The following PLG variants were observed in gnomAD, a reference collection of about 807,000 sequenced individuals.
PLG encodes plasmin.
A neutral mutation model predicts 104.4 loss-of-function variants in PLG; 41 were observed. The observed-to-expected ratio is 0.39, with a 90% CI of 0.31 to 0.51. PLG has a LOEUF of 0.51. Ranked by LOEUF, PLG falls within the 20% of genes least tolerant of loss-of-function variation. The pLI, the probability that PLG is intolerant of heterozygous loss-of-function variation, is 0.76. For missense variants in PLG, 891 were observed against 1,003.6 expected (o/e 0.89, Z 1.52); for synonymous variants, 337 against 357.1 (o/e 0.94, Z 0.63).
intron 17 of PLG, among the ~76,000 whole-genome samples, chr6:160,742,823 A>T (rs2115182804): frequency 6.6e-6 from 1 of 152,260 alleles, no homozygotes; most frequent in East Asian, 1.9e-4. Flanking sequence ...TGATTTCTGT[A>T]TATGGTGTAA....
chr6:160,711,641 G>C, intron 4 of PLG: 1 of 1,610,628 alleles, frequency 6.2e-7, no homozygotes, highest in Non-Finnish European at 8.5e-7. Flanking sequence ...AGTAGAACAT[G>C]GTTGCTTTCT....
Position 160,753,434 on chromosome 6 carries a change from G to C in PLG, c.*373G>C, listed in dbSNP as rs189281351. 5.6e-6 allele frequency: 2 copies of C among 354,490 alleles called. No homozygotes were observed. The highest frequency in any genetic ancestry group is 4.2e-5 in the African/African-American group (2 of 47,272). 22.0% of individuals were successfully genotyped at this position (354,490 alleles called of 1,614,324 possible). The stretch of plus-strand genomic sequence containing the variant: ...GAGCAGGCTGCAAGGTCACAGAGGG[G>C]AGAGCCAAGAAGTTGTCCACGCATT... On this transcript the variant is annotated 3_prime_UTR_variant, in exon 19 of 19. Coordinates refer to ENST00000308192, the MANE Select transcript of PLG (RefSeq NM_000301.5). The surrounding 1 kb of genome is among the most constrained non-coding windows in gnomAD (Gnocchi z 5.4).
At chr6:160,727,561 C>A (rs1777939027) in intron 10 of PLG, among the ~76,000 whole-genome samples, 1 of 151,634 alleles carries the variant, frequency 6.6e-6, no homozygotes, top group Non-Finnish European at 1.5e-5. Context: ...AAATTTTAAT[C>A]ATTAACATGA....
At position 160,736,670 on chromosome 6, in the gene PLG, T is replaced by TA. The variant is rs1778086755; in HGVS notation, c.1682-215dup. Among the ~76,000 whole-genome samples, 1 of 152,188 alleles carries TA rather than the reference T, an allele frequency of 6.6e-6. No homozygotes were observed. The highest frequency in any genetic ancestry group is 6.5e-5 in the Admixed American group (1 of 15,280). On this transcript the variant is annotated intron_variant, in intron 13 of 18. Coordinates refer to ENST00000308192, the MANE Select transcript of PLG (RefSeq NM_000301.5). The surrounding 1 kb of genome is among the most constrained non-coding windows in gnomAD (Gnocchi z 5.2). ...CTGTTTGATCACTTCTCCAACAAAA[T>TA]AATTACAAAGTGCTTATATTTTCTT...
chr6:160,716,657 G>C lies in PLG; in HGVS notation c.681G>C (p.Lys227Asn), dbSNP rs1212778525. 6.2e-7 allele frequency: 1 copy of C among 1,600,386 alleles called. No homozygotes were observed. The highest frequency in any genetic ancestry group is 1.7e-5 in the Admixed American group (1 of 60,002). The change falls in exon 7 of 19, where the codon AAG becomes AAC. Residue 227 changes from lysine (K) to asparagine (N), a missense_variant. By Grantham distance (94) the Lys-to-Asn change is moderately conservative. This residue lies in a region of PLG where 854 missense variants were observed against 932.1 expected (regional missense o/e 0.92). Coordinates refer to ENST00000308192, the MANE Select transcript of PLG (RefSeq NM_000301.5). ...CTTGTCCATTCAGATTTCCAAACAA[G>C]AACCTGAAGAAGAATTACTGTCGTA... is the stretch of plus-strand genomic sequence containing the variant. ...HGYIPSKFPN[K>N]NLKKNYCRNP...
intron 17 of PLG, among the ~76,000 whole-genome samples, chr6:160,748,044 C>T (rs975553848): frequency 6.6e-6 from 1 of 152,036 alleles, no homozygotes. Flanking sequence ...CAGTGGCTCA[C>T]GCCTGTAATC....
chr6:160,726,276 T>C lies in PLG; in HGVS notation c.1256+3709T>C, dbSNP rs1777919894. The stretch of plus-strand genomic sequence containing the variant: ...GAGCAAAACAGAATTAAATGAGATA[T>C]AAATAACAAAAAAATTGGGAAATTA... On this transcript the variant is annotated intron_variant, in intron 10 of 18. Coordinates refer to ENST00000308192, the MANE Select transcript of PLG (RefSeq NM_000301.5). The surrounding 1 kb of genome is among the most constrained non-coding windows in gnomAD (Gnocchi z 4.4). Among the ~76,000 whole-genome samples, 1 of 151,810 alleles carries C rather than the reference T, an allele frequency of 6.6e-6. No homozygotes were observed. The highest frequency in any genetic ancestry group is 6.6e-5 in the Admixed American group (1 of 15,220).
rs760457084 is a variant in PLG, at chr6:160,718,390, C to T, written c.884C>T (p.Thr295Ile). Residue 295 changes from threonine (T) to isoleucine (I), a missense_variant, in exon 8 of 19, where the codon ACC becomes ATC. Thr to Ile is a moderately conservative substitution (Grantham distance 89, BLOSUM62 -1). Transcript: ENST00000308192. ...GNVAVTVSGH[T>I]CQHWSAQTPH... ...GTGGCTGTTACCGTGTCCGGGCACACCTGTCAGCACTGGAGTGCACAGACC... is the reference window on the plus strand; with the variant it reads ...GTGGCTGTTACCGTGTCCGGGCACATCTGTCAGCACTGGAGTGCACAGACC... The T allele has an allele frequency of 3.1e-6, 5 of 1,613,674 alleles. No homozygotes were observed. The highest frequency in any genetic ancestry group is 1.1e-5 in the South Asian group (1 of 91,084).
At chr6:160,722,353 A>C in intron 9 of PLG, 55 bp from the exon 10 acceptor site, 20 of 1,372,218 alleles carry the variant, frequency 1.5e-5, no homozygotes, top group Non-Finnish European at 2.1e-5. Flanking sequence ...AAATTGCTTC[A>C]TGCTTCTTTT....
At chr6:160,708,273 T>A (rs796684340) in intron 3 of PLG, 2 of 154,528 alleles carry the variant, frequency 1.3e-5, no homozygotes, top group African/African-American at 4.8e-5. Flanking sequence ...TTTTTACTCT[T>A]AAATTTTTCA....
chr6:160,713,867 C>T (rs763164390), intron 5 of PLG, among the ~76,000 whole-genome samples: 8 of 152,042 alleles, frequency 5.3e-5, no homozygotes, highest in Non-Finnish European at 7.4e-5. Flanking sequence ...AAGGTCAATG[C>T]TAAAAAATTT....
chr6:160,742,116 G>A (rs1438628953), intron 17 of PLG, among the ~76,000 whole-genome samples: 3 of 152,192 alleles, frequency 2.0e-5, no homozygotes, highest in Non-Finnish European at 4.4e-5. Context: ...GTGCTGCAAT[G>A]AACATTCATG....
chr6:160,745,442 T>C (rs1205136875), intron 17 of PLG, among the ~76,000 whole-genome samples: 1 of 152,254 alleles, frequency 6.6e-6, no homozygotes, highest in African/African-American at 2.4e-5. Context: ...GTTTAAAGTC[T>C]GTTTTGTCTG....
chr6:160,706,346 A>G, intron 1 of PLG, 61 bp from the exon 2 acceptor site: 2 of 1,599,748 alleles, frequency 1.3e-6, no homozygotes, highest in Non-Finnish European at 1.7e-6. Flanking sequence ...GGAAGTCATG[A>G]CAATTAGACA....
At chr6:160,704,754 C>T (rs1777486057) in intron 1 of PLG, among the ~76,000 whole-genome samples, 1 of 152,162 alleles carries the variant, frequency 6.6e-6, no homozygotes, top group Non-Finnish European at 1.5e-5. Context: ...GACAAAGTCC[C>T]AGAGGTGGGG....
chr6:160,746,375 G>A (rs778466605), intron 17 of PLG, among the ~76,000 whole-genome samples: 1 of 152,142 alleles, frequency 6.6e-6, no homozygotes, highest in Non-Finnish European at 1.5e-5. Context: ...CAGAAAGCCA[G>A]TCTTCCATTT....
rs1582938768 is a variant in PLG at position 160,719,937 on chromosome 6, T to A, written c.1096+1099T>A. Among the ~76,000 whole-genome samples the A allele has an allele frequency of 6.6e-6, 1 of 152,210 alleles. No homozygotes were observed. Among genetic ancestry groups the A allele is most frequent in the African/African-American group, 2.4e-5 (1 of 41,452 alleles). On this transcript the variant is annotated intron_variant, in intron 9 of 18. Coordinates refer to ENST00000308192, the MANE Select transcript of PLG (RefSeq NM_000301.5). The surrounding 1 kb of genome is among the most constrained non-coding windows in gnomAD (Gnocchi z 4.1). The stretch of plus-strand genomic sequence containing the variant: ...ATTTTAAATATTTTCTTTATTTATT[T>A]ATTTTACCATTTCTGGTGCTTCTCA...
At chr6:160,707,632 T>A in intron 2 of PLG, 68 bp from the exon 3 acceptor site, 1 of 1,440,364 alleles carries the variant, frequency 6.9e-7, no homozygotes, top group Non-Finnish European at 9.8e-7. Flanking sequence ...ATGTCTCACT[T>A]ATTAATAAAC....
rs112934121 is a variant in PLG at position 160,743,637 on chromosome 6, T to C, written c.2125+2220T>C. ...TCGTTTGATTTCCTCTCTTCCTATCTGGATGCCCTTTATTTCTTTCTCTTG... is the reference window on the plus strand; with the variant it reads ...TCGTTTGATTTCCTCTCTTCCTATCCGGATGCCCTTTATTTCTTTCTCTTG... On this transcript the variant is annotated intron_variant, in intron 17 of 18. Transcript: ENST00000308192. Among the ~76,000 whole-genome samples the C allele has an allele frequency of 1.5e-3, 226 of 152,326 alleles. 2 individuals are homozygous for C. Among genetic ancestry groups the C allele is most frequent in the African/African-American group, 5.1e-3 (213 of 41,562 alleles).
Sources: gnomAD v4.1 joint callset for allele counts (sites outside exome capture counted in the v4.1 genomes callset) on GRCh38, gnomAD v4.1.1 for gene constraint, gnomAD v4.1.1 regional missense constraint, Gnocchi (gnomAD v3.1) non-coding constraint, MANE v1.5 for transcripts, NCBI Gene and HGNC (gene_info 2026-07-23, HGNC 2026-07-21) for gene names.